IL34: variants seen among roughly 807,000 people sequenced by gnomAD.
IL34 encodes the protein interleukin 34, also known as interleukin-34.
In IL34, 17 loss-of-function variants were observed where a neutral mutation model predicts 25.3. The ratio of observed to expected loss-of-function variants is 0.67; its 90% confidence interval spans 0.46 to 1.01. The LOEUF (loss-of-function observed/expected upper bound fraction) is 1.01. Among genes scored for constraint, IL34 ranks in the 50% least tolerant of loss-of-function variants. The pLI, the probability that IL34 is intolerant of heterozygous loss-of-function variation, is 0.00. For synonymous variants in IL34, 174 were observed against 140.9 expected (o/e 1.23, Z -1.66); for missense variants, 368 against 312.9 (o/e 1.18, Z -1.33).
At chr16:70,638,782 A>T (rs939569246) in intron 1 of IL34, among the ~76,000 whole-genome samples, 19 of 151,944 alleles carry the variant, frequency 1.3e-4, no homozygotes, top group African/African-American at 4.1e-4. Flanking sequence ...AGGTCTCTCT[A>T]TGTTGCCCAG....
chr16:70,654,449 G>A, intron 1 of IL34, 89 bp from the exon 2 acceptor site: 5 of 1,487,272 alleles, frequency 3.4e-6, no homozygotes, highest in Non-Finnish European at 3.6e-6. Context: ...CTATGCAAAT[G>A]GATGATGGTT....
chr16:70,582,577 C>T (rs533696971), intron 1 of IL34, among the ~76,000 whole-genome samples: 10 of 152,324 alleles, frequency 6.6e-5, no homozygotes, highest in African/African-American at 9.6e-5. Context: ...CCTAGAATTA[C>T]GTGAGATCAC....
intron 1 of IL34, among the ~76,000 whole-genome samples, chr16:70,653,332 G>A (rs1270795509): frequency 1.5e-5 from 2 of 135,222 alleles, no homozygotes; most frequent in African/African-American, 5.8e-5. Flanking sequence ...GGGCAACATA[G>A]CAAAACCCTG....
Position 70,599,265 on chromosome 16 carries a change from G to GTTTCTTTC in IL34, c.-401+19239_-401+19246dup, listed in dbSNP as rs748787068. On this transcript the variant is annotated intron_variant, in intron 1 of 6. Coordinates refer to the IL34 transcript ENST00000429149. ...TCTTATACCTGTTATGTCAAGAACTGTTTCTTTCTTTCTTTCTTTCTTTCT... is the reference window on the plus strand; with the variant it reads ...TCTTATACCTGTTATGTCAAGAACTGTTTCTTTCTTTCTTTCTTTCTTTCTTTCTTTCT... 1.3e-3 allele frequency among the ~76,000 whole-genome samples: 183 copies of GTTTCTTTC among 139,170 alleles called. 4 individuals are homozygous for GTTTCTTTC. Among genetic ancestry groups the GTTTCTTTC allele is most frequent in the African/African-American group, 3.1e-3 (112 of 35,774 alleles). The allele number at this position is 139,170 out of a possible 152,430, so 91.3% of individuals were successfully genotyped here.
intron 5 of IL34, 120 bp downstream of exon 5, chr16:70,659,873 C>A: frequency 6.7e-7 from 1 of 1,483,170 alleles, no homozygotes; most frequent in Non-Finnish European, 9.1e-7. Context: ...GGGCTACAAG[C>A]CATTTCTGGA....
At chr16:70,622,491 C>G (rs899971688) in intron 1 of IL34, among the ~76,000 whole-genome samples, 48 of 151,708 alleles carry the variant, frequency 3.2e-4, no homozygotes, top group Non-Finnish European at 4.6e-4. Context: ...GTGGCTTGTA[C>G]TATAGCATAG....
intron 1 of IL34, among the ~76,000 whole-genome samples, chr16:70,621,591 C>G (rs554364129): frequency 4.6e-5 from 7 of 152,218 alleles, no homozygotes; most frequent in African/African-American, 1.7e-4. Flanking sequence ...GTCCCCCGAT[C>G]CGAGTCATGG....
At chr16:70,645,802 C>A (rs555099082), upstream of IL34, among the ~76,000 whole-genome samples, 76 of 152,230 alleles carry the variant, frequency 5.0e-4, no homozygotes, top group Middle Eastern at 3.4e-3. Context: ...GCCTGTAATC[C>A]CAGCACTTTG....
intron 4 of IL34, among the ~76,000 whole-genome samples, chr16:70,658,769 C>T (rs147869018): frequency 9.2e-5 from 14 of 152,162 alleles, no homozygotes; most frequent in Admixed American, 2.6e-4. Flanking sequence ...CATTCCTGGC[C>T]GTCTCAGTCT....
chr16:70,617,930 GTA>G (rs1381916790), intron 1 of IL34, among the ~76,000 whole-genome samples: 2 of 151,946 alleles, frequency 1.3e-5, no homozygotes, highest in African/African-American at 4.8e-5. Context: ...TCCAGTGAAA[GTA>G]TCTACCTAGA....
chr16:70,628,741 C>T (rs1224740832), intron 1 of IL34, among the ~76,000 whole-genome samples: 2 of 151,248 alleles, frequency 1.3e-5, no homozygotes, highest in African/African-American at 2.4e-5. Context: ...CCCGCCTTGG[C>T]CTCCCAAAGT....
intron 2 of IL34, among the ~76,000 whole-genome samples, chr16:70,656,016 GA>G (rs1265707626): frequency 6.6e-6 from 1 of 152,196 alleles, no homozygotes; most frequent in African/African-American, 2.4e-5. Flanking sequence ...ATAGGTTTTA[GA>G]ACATTCTCAC....
At chr16:70,657,657 C>G (rs1293865649) in intron 4 of IL34, among the ~76,000 whole-genome samples, 2 of 152,138 alleles carry the variant, frequency 1.3e-5, no homozygotes, top group East Asian at 1.9e-4. Flanking sequence ...CACCTGTTAT[C>G]CCAGCTACTC....
chr16:70,616,424 A>G (rs1380414553), intron 1 of IL34, among the ~76,000 whole-genome samples: 1 of 152,176 alleles, frequency 6.6e-6, no homozygotes, highest in Non-Finnish European at 1.5e-5. Context: ...CTTAATTTAA[A>G]TTTGTTATGA....
At chr16:70,586,127 C>G (rs12931402) in intron 1 of IL34, among the ~76,000 whole-genome samples, 54,489 of 152,098 alleles carry the variant, frequency 0.36, 10,454 homozygotes, top group South Asian at 0.63. Flanking sequence ...CCACCGCCCC[C>G]AGCCCTGGCC....
intron 1 of IL34, among the ~76,000 whole-genome samples, chr16:70,620,076 A>C (rs529180486): frequency 2.6e-5 from 4 of 152,306 alleles, no homozygotes; most frequent in Admixed American, 2.0e-4. Context: ...TACACCTTGA[A>C]GGCGAGGTTA....
chr16:70,652,836 G>A (rs2052113988), intron 1 of IL34, among the ~76,000 whole-genome samples: 1 of 152,196 alleles, frequency 6.6e-6, no homozygotes. Context: ...AACAGAAATT[G>A]CTAAATTGCT....
chr16:70,657,587 C>G (rs981575267), intron 4 of IL34, among the ~76,000 whole-genome samples: 1 of 152,036 alleles, frequency 6.6e-6, no homozygotes, highest in African/African-American at 2.4e-5. Context: ...ACCAGCCTGG[C>G]CAAATGGTGA....
At chr16:70,617,288 T>G (rs2051187495) in intron 1 of IL34, among the ~76,000 whole-genome samples, 1 of 152,214 alleles carries the variant, frequency 6.6e-6, no homozygotes, top group Non-Finnish European at 1.5e-5. Context: ...AGATTCAGTA[T>G]AGTCCTGCCA....
Sources: gnomAD v4.1 joint callset for allele counts (sites outside exome capture counted in the v4.1 genomes callset) on GRCh38, gnomAD v4.1.1 for gene constraint, MANE v1.5 for transcripts, NCBI Gene and HGNC (gene_info 2026-07-23, HGNC 2026-07-21) for gene names.